Variants in CABCOCO1 observed in about 807,000 individuals in gnomAD.
CABCOCO1 encodes ciliary associated calcium binding coiled-coil 1, also known as ciliary-associated calcium-binding coiled-coil protein 1.
A neutral mutation model predicts 35.7 loss-of-function variants in CABCOCO1; 28 were observed. The observed-to-expected ratio is 0.78, with a 90% CI of 0.58 to 1.07. The LOEUF (loss-of-function observed/expected upper bound fraction) is 1.07. CABCOCO1 is among the 50% of genes least tolerant of loss of function. The pLI is 0.00. For synonymous variants in CABCOCO1, 95 were observed against 100.1 expected, an observed-to-expected ratio of 0.95 and a Z score of 0.30; for missense variants, 326 against 309.2, an observed-to-expected ratio of 1.05 and a Z score of -0.41.
chr10:61,668,862 T>TA (rs1166670847), intron 1 of CABCOCO1, among the ~76,000 whole-genome samples: 6 of 151,810 alleles, frequency 4.0e-5, no homozygotes, highest in Admixed American at 2.6e-4. Context: ...TGCAATACTT[T>TA]AAAAAAATCA....
intron 5 of CABCOCO1, among the ~76,000 whole-genome samples, chr10:61,745,008 A>G (rs1273300871): frequency 6.6e-6 from 1 of 152,162 alleles, no homozygotes; most frequent in African/African-American, 2.4e-5. Flanking sequence ...TTTCAGTGCT[A>G]TTCCTCTGTG....
chr10:61,680,645 ATATATAT>A, intron 2 of CABCOCO1, among the ~76,000 whole-genome samples: 1 of 80,430 alleles, frequency 1.2e-5, no homozygotes, highest in African/African-American at 4.0e-5. Flanking sequence ...TACATATATA[ATATATAT>A]TATGTTATAC....
At chr10:61,694,354 T>C (rs967984456) in intron 5 of CABCOCO1, among the ~76,000 whole-genome samples, 1 of 150,178 alleles carries the variant, frequency 6.7e-6, no homozygotes, top group Non-Finnish European at 1.5e-5. Flanking sequence ...TGTTTATTTT[T>C]CTTAAATATG....
chr10:61,676,284 T>C (rs1046769702), intron 2 of CABCOCO1, among the ~76,000 whole-genome samples: 5 of 152,182 alleles, frequency 3.3e-5, no homozygotes, highest in African/African-American at 7.2e-5. Context: ...AATCAGTTCA[T>C]TGGTGAATTT....
At chr10:61,747,184 G>A (rs544521952) in intron 5 of CABCOCO1, among the ~76,000 whole-genome samples, 1 of 152,204 alleles carries the variant, frequency 6.6e-6, no homozygotes, top group East Asian at 1.9e-4. Flanking sequence ...TCACCAATAA[G>A]TAGATAAATA....
intron 5 of CABCOCO1, among the ~76,000 whole-genome samples, chr10:61,738,365 G>C (rs1367023781): frequency 2.0e-5 from 3 of 152,132 alleles, no homozygotes; most frequent in African/African-American, 7.2e-5. Flanking sequence ...TCTATTTCTG[G>C]ATTTTTATGT....
At chr10:61,758,251 A>T (rs539262636) in intron 5 of CABCOCO1, among the ~76,000 whole-genome samples, 2 of 152,126 alleles carry the variant, frequency 1.3e-5, no homozygotes, top group South Asian at 4.1e-4. Flanking sequence ...TCTGATTCCC[A>T]TGTGCAGCTT....
At chr10:61,718,495 T>C (rs1324045959) in intron 5 of CABCOCO1, among the ~76,000 whole-genome samples, 1 of 152,206 alleles carries the variant, frequency 6.6e-6, no homozygotes, top group Non-Finnish European at 1.5e-5. Context: ...ATTTTGCATA[T>C]GCATAATTTT....
At chr10:61,762,586 C>T (rs1842029941) in intron 7 of CABCOCO1, among the ~76,000 whole-genome samples, 1 of 152,090 alleles carries the variant, frequency 6.6e-6, no homozygotes, top group African/African-American at 2.4e-5. Context: ...TATACAATGG[C>T]TCAAGATGGC....
intron 5 of CABCOCO1, among the ~76,000 whole-genome samples, chr10:61,692,665 A>G (rs1236277452): frequency 2.0e-5 from 3 of 152,032 alleles, no homozygotes; most frequent in African/African-American, 7.2e-5. Flanking sequence ...ACCATTACTC[A>G]CTCTTCATTT....
At chr10:61,677,138 C>T (rs934527178) in intron 2 of CABCOCO1, among the ~76,000 whole-genome samples, 1 of 151,672 alleles carries the variant, frequency 6.6e-6, no homozygotes, top group African/African-American at 2.4e-5. Context: ...TGGACAAAAT[C>T]CAACGTAGAT....
chr10:61,670,924 A>G (rs1839337847), intron 1 of CABCOCO1, among the ~76,000 whole-genome samples: 1 of 152,120 alleles, frequency 6.6e-6, no homozygotes, highest in Non-Finnish European at 1.5e-5. Context: ...AACTCTAAAC[A>G]TTTCTTTCTC....
chr10:61,675,909 A>T (rs1392379715), intron 2 of CABCOCO1, among the ~76,000 whole-genome samples: 1 of 152,212 alleles, frequency 6.6e-6, no homozygotes, highest in Non-Finnish European at 1.5e-5. Context: ...CAAAAAAGTT[A>T]GAATATACAT....
At chr10:61,728,022 C>T (rs142365856) in intron 5 of CABCOCO1, among the ~76,000 whole-genome samples, 159 of 152,226 alleles carry the variant, frequency 1.0e-3, no homozygotes, top group Non-Finnish European at 1.7e-3. Context: ...TATTTCTAGA[C>T]GCTTAAAACC....
chr10:61,671,275 G>T (rs972241582), intron 1 of CABCOCO1, among the ~76,000 whole-genome samples: 5 of 151,726 alleles, frequency 3.3e-5, no homozygotes, highest in Non-Finnish European at 7.4e-5. Flanking sequence ...GCAGTGAGCC[G>T]AGATCAGCCA....
At chr10:61,722,567 A>G (rs1013289682) in intron 5 of CABCOCO1, among the ~76,000 whole-genome samples, 1 of 152,158 alleles carries the variant, frequency 6.6e-6, no homozygotes, top group African/African-American at 2.4e-5. Flanking sequence ...ATTAACAGCA[A>G]AGAAATCAGA....
At chr10:61,689,927 C>G (rs906302239) in intron 4 of CABCOCO1, among the ~76,000 whole-genome samples, 2 of 152,066 alleles carry the variant, frequency 1.3e-5, no homozygotes, top group African/African-American at 4.8e-5. Flanking sequence ...TGTATGCTGA[C>G]CACCTAGTCT....
At chr10:61,743,652 C>A (rs541915618) in intron 5 of CABCOCO1, among the ~76,000 whole-genome samples, 23 of 152,240 alleles carry the variant, frequency 1.5e-4, no homozygotes, top group African/African-American at 5.5e-4. Context: ...TTGACCCTAG[C>A]TTTTCACCAG....
intron 2 of CABCOCO1, among the ~76,000 whole-genome samples, chr10:61,679,260 G>C (rs984560743): frequency 6.6e-6 from 1 of 150,576 alleles, no homozygotes; most frequent in African/African-American, 2.4e-5. Flanking sequence ...GATGCTCATA[G>C]TCACAGAGCT....
Sources: allele counts gnomAD v4.1 joint callset (sites outside exome capture counted in the v4.1 genomes callset), GRCh38; gene constraint gnomAD v4.1.1; transcripts MANE v1.5; gene names NCBI Gene and HGNC (gene_info 2026-07-23, HGNC 2026-07-21).